DPP6: variants seen among roughly 807,000 people sequenced by gnomAD.
DPP6 encodes the protein A-type potassium channel modulatory protein DPP6.
Under a neutral mutation model 122.6 loss-of-function variants are expected in DPP6, and 69 were observed. The ratio of observed to expected loss-of-function variants is 0.56; its 90% CI spans 0.46 to 0.69. The LOEUF (loss-of-function observed/expected upper bound fraction) is 0.69. Ranked by LOEUF, DPP6 falls within the 30% of genes least tolerant of loss-of-function variation. The pLI is 0.00. For missense variants in DPP6, 928 were observed against 1,116.9 expected (o/e 0.83, Z 2.41); for synonymous variants, 418 against 433.1 (o/e 0.97, Z 0.43).
chr7:154,712,268 A>AAACTATTATCTTAGT (rs1841235484), intron 7 of DPP6, among the ~76,000 whole-genome samples: 1 of 152,222 alleles, frequency 6.6e-6, no homozygotes, highest in South Asian at 2.1e-4. Flanking sequence ...ATAGTTTTGG[A>AAACTATTATCTTAGT]CAATGAAAAC....
intron 1 of DPP6, among the ~76,000 whole-genome samples, chr7:153,901,243 C>T (rs1253694087): frequency 6.6e-6 from 1 of 152,070 alleles, no homozygotes; most frequent in Admixed American, 6.6e-5. Flanking sequence ...CTGTGTGATC[C>T]AAAATATTCA....
intron 1 of DPP6, among the ~76,000 whole-genome samples, chr7:154,124,647 A>G (rs1021701163): frequency 3.3e-5 from 5 of 152,250 alleles, no homozygotes; most frequent in African/African-American, 1.2e-4. Context: ...TTGACTTGCA[A>G]ACAGAGTGGA....
intron 3 of DPP6, among the ~76,000 whole-genome samples, chr7:154,501,638 G>A (rs1825256552): frequency 6.6e-6 from 1 of 152,100 alleles, no homozygotes; most frequent in African/African-American, 2.4e-5. Context: ...GGGAACCTCT[G>A]CCTAGATTTC....
intron 1 of DPP6, among the ~76,000 whole-genome samples, chr7:154,332,693 A>G (rs1809056910): frequency 6.6e-6 from 1 of 152,238 alleles, no homozygotes; most frequent in South Asian, 2.1e-4. Flanking sequence ...TCATGGATCT[A>G]GGTTTATAAA....
At chr7:154,485,509 C>A (rs1563745286) in intron 3 of DPP6, among the ~76,000 whole-genome samples, 1 of 152,122 alleles carries the variant, frequency 6.6e-6, no homozygotes, top group Non-Finnish European at 1.5e-5. Context: ...TTTTTTCTGC[C>A]TAACACAGTT....
intron 1 of DPP6, among the ~76,000 whole-genome samples, chr7:153,916,041 A>G (rs1035651780): frequency 1.3e-5 from 2 of 151,626 alleles, no homozygotes; most frequent in Non-Finnish European, 2.9e-5. Context: ...ATCTCTGCTC[A>G]CTGCAAGCTC....
chr7:154,884,080 TCA>T (rs1169023369), intron 21 of DPP6: 8 of 134,640 alleles, frequency 5.9e-5, no homozygotes, highest in South Asian at 2.4e-4. Context: ...ATACACATGC[TCA>T]CACACACATG....
Position 154,132,162 on chromosome 7 carries a change from C to A in DPP6, c.243+79099C>A, listed in dbSNP as rs578079808. Reference sequence around the variant, plus strand: ...TTGTATTGAGACAGAAACCAGTGAACTCAAATCTTCATCAGCCCTCATTAT... The same window carrying A: ...TTGTATTGAGACAGAAACCAGTGAAATCAAATCTTCATCAGCCCTCATTAT... On this transcript the variant is annotated intron_variant, in intron 1 of 25. Transcript: ENST00000377770. 1.2e-3 allele frequency among the ~76,000 whole-genome samples: 188 copies of A among 152,192 alleles called. 2 individuals are homozygous for A. The highest frequency in any genetic ancestry group is 4.1e-3 in the African/African-American group (171 of 41,496).
the DPP6 span, among the ~76,000 whole-genome samples, chr7:153,823,719 C>T: frequency 4.8e-4 from 73 of 151,086 alleles, no homozygotes; most frequent in African/African-American, 1.6e-3. Flanking sequence ...TTGTCGTAGC[C>T]GTTACATGAC....
intron 3 of DPP6, among the ~76,000 whole-genome samples, chr7:154,527,950 G>C (rs1827537944): frequency 6.6e-6 from 1 of 151,306 alleles, no homozygotes; most frequent in African/African-American, 2.4e-5. Flanking sequence ...TAATTGTTGA[G>C]AGAGTTAGAA....
rs1362828637 is a variant in DPP6 at position 154,887,744 on chromosome 7, G to A, written c.2304+10G>A. 2.5e-6 allele frequency: 4 copies of A among 1,613,536 alleles called. No individual in the cohort carries two copies. The highest frequency in any genetic ancestry group is 2.2e-5 in the East Asian group (1 of 44,868). On this transcript the variant is annotated intron_variant, in intron 23 of 25. Coordinates refer to ENST00000377770, the MANE Select transcript of DPP6 (RefSeq NM_130797.4). ...CAACAGAGCATACGAGGTGTGTATG[G>A]GCACAACTAGAGAATGTGATGAGAC...
chr7:154,764,533 G>A (rs1478123630), intron 8 of DPP6, among the ~76,000 whole-genome samples: 1 of 152,146 alleles, frequency 6.6e-6, no homozygotes, highest in African/African-American at 2.4e-5. Flanking sequence ...GAGGCCGTGT[G>A]CCCACCTACA....
At chr7:154,883,236 ACATT>A (rs1338257021) in intron 21 of DPP6, among the ~76,000 whole-genome samples, 2 of 144,042 alleles carry the variant, frequency 1.4e-5, no homozygotes, top group African/African-American at 5.3e-5. Context: ...CAATGCTCAC[ACATT>A]CACACACGCT....
intron 1 of DPP6, among the ~76,000 whole-genome samples, chr7:154,229,895 C>A (rs1164869095): frequency 6.6e-6 from 1 of 151,996 alleles, no homozygotes; most frequent in East Asian, 1.9e-4. Context: ...GAAACCCATG[C>A]ATAGTTGGTT....
At chr7:154,524,090 C>T (rs10447716) in intron 3 of DPP6, among the ~76,000 whole-genome samples, 8,997 of 152,252 alleles carry the variant, frequency 0.059, 326 homozygotes, top group Non-Finnish European at 0.086. Context: ...TTTGGTGTAC[C>T]TGAAGTACCA....
intron 7 of DPP6, among the ~76,000 whole-genome samples, chr7:154,670,956 T>C (rs1362817745): frequency 1.3e-5 from 2 of 152,214 alleles, no homozygotes; most frequent in Non-Finnish European, 2.9e-5. Flanking sequence ...AAAGCATATG[T>C]AACTGATCAA....
At chr7:154,842,371 T>A (rs564226831) in intron 16 of DPP6, among the ~76,000 whole-genome samples, 33 of 152,378 alleles carry the variant, frequency 2.2e-4, no homozygotes, top group African/African-American at 7.7e-4. Context: ...GAATTTTTTT[T>A]ATTTATTCTG....
chr7:154,799,948 A>G (rs532704126), intron 12 of DPP6, among the ~76,000 whole-genome samples: 1 of 152,340 alleles, frequency 6.6e-6, no homozygotes, highest in African/African-American at 2.4e-5. Flanking sequence ...GGTAGAGATG[A>G]CATCACAACG....
At chr7:153,792,070 T>A in the DPP6 span, among the ~76,000 whole-genome samples, 2 of 142,808 alleles carry the variant, frequency 1.4e-5, no homozygotes, top group East Asian at 4.1e-4. Context: ...ATATTTTTAT[T>A]GTACACACAG....
Sources: allele counts gnomAD v4.1 joint callset (sites outside exome capture counted in the v4.1 genomes callset), GRCh38; gene constraint gnomAD v4.1.1; transcripts MANE v1.5; gene names NCBI Gene and HGNC (gene_info 2026-07-23, HGNC 2026-07-21).